The following DMGDH variants were observed in gnomAD, a reference collection of about 807,000 sequenced individuals.
DMGDH encodes dimethylglycine dehydrogenase.
DMGDH carries 76 observed loss-of-function variants against 95.2 expected under a neutral mutation model. The observed-to-expected ratio is 0.80, with a 90% CI of 0.66 to 0.97. The LOEUF (loss-of-function observed/expected upper bound fraction) is 0.97. DMGDH is among the 50% of genes least tolerant of loss of function. The pLI, the probability that DMGDH is intolerant of heterozygous loss-of-function variation, is 0.00. For synonymous variants in DMGDH, 345 were observed against 377.6 expected, an observed-to-expected ratio of 0.91 and a Z score of 1.00; for missense variants, 987 against 1,055.0, an observed-to-expected ratio of 0.94 and a Z score of 0.89.
chr5:79,051,755 T>C (rs1238961726), intron 4 of DMGDH, among the ~76,000 whole-genome samples: 3 of 152,206 alleles, frequency 2.0e-5, no homozygotes, highest in African/African-American at 7.2e-5. Flanking sequence ...TTCCAACTGA[T>C]ATATCAATTA....
chr5:79,006,878 C>A (rs1032844613), intron 14 of DMGDH, among the ~76,000 whole-genome samples: 3 of 148,672 alleles, frequency 2.0e-5, no homozygotes, highest in African/African-American at 7.4e-5. Flanking sequence ...TAGTTTAGAA[C>A]CTCTAGGATG....
At chr5:79,025,189 G>A (rs1005633493) in intron 13 of DMGDH, among the ~76,000 whole-genome samples, 15 of 152,214 alleles carry the variant, frequency 9.9e-5, no homozygotes, top group Admixed American at 7.8e-4. Flanking sequence ...GGAAATCGGA[G>A]GGACGGGAGA....
intron 14 of DMGDH, among the ~76,000 whole-genome samples, chr5:79,016,635 A>G (rs1044388040): frequency 1.3e-5 from 2 of 152,236 alleles, no homozygotes; most frequent in Admixed American, 1.3e-4. Flanking sequence ...GTAATACTTG[A>G]ATTGACCTGT....
chr5:79,041,566 T>C (rs139724743), intron 7 of DMGDH, among the ~76,000 whole-genome samples: 93 of 152,356 alleles, frequency 6.1e-4, no homozygotes, highest in African/African-American at 2.2e-3. Context: ...ATGTTATACA[T>C]TTGATATTTT....
rs374772103 is a variant in DMGDH, at chr5:79,024,333, A to T, written c.2191-3T>A. The T allele has an allele frequency of 1.7e-5, 27 of 1,613,022 alleles. No homozygotes were observed. Among genetic ancestry groups the T allele is most frequent in the Non-Finnish European group, 2.3e-5 (27 of 1,179,142 alleles). The stretch of plus-strand genomic sequence containing the variant: ...AAAGGATTTGTATCACAGTTCATCT[A>T]AAAAGGAAACACACATTTTAAATCT... On this transcript the variant is annotated splice_polypyrimidine_tract_variant and splice_region_variant and intron_variant, in intron 13 of 15. Coordinates refer to ENST00000255189, the MANE Select transcript of DMGDH (RefSeq NM_013391.3).
At chr5:79,031,567 G>A (rs1009848202) in intron 9 of DMGDH, among the ~76,000 whole-genome samples, 1 of 152,196 alleles carries the variant, frequency 6.6e-6, no homozygotes, top group African/African-American at 2.4e-5. Flanking sequence ...CACACCTGGG[G>A]TACATAAGGA....
At chr5:79,055,400 T>C (rs551726794) in intron 3 of DMGDH, among the ~76,000 whole-genome samples, 35 of 152,268 alleles carry the variant, frequency 2.3e-4, no homozygotes, top group Non-Finnish European at 4.6e-4. Flanking sequence ...TGAGTAAATA[T>C]GAGAAGGGAT....
In DMGDH at chr5:79,024,309, A is replaced by G. The variant is rs764539646; in HGVS notation, c.2212T>C (p.Leu738=). The part of the protein sequence containing the change: ...GLEMNCDTNP[L]EAGLEYFVKL... ...ACAAAATATTCCAGTCCAGCTTCCA[A>G]AGGATTTGTATCACAGTTCATCTAA... The change falls in exon 14 of 16, where the codon TTG becomes CTG. Residue 738 remains leucine (L), a synonymous_variant. Coordinates refer to ENST00000255189, the MANE Select transcript of DMGDH (RefSeq NM_013391.3). 2 of 1,613,656 alleles carry G rather than the reference A, an allele frequency of 1.2e-6. No homozygotes were observed. Among genetic ancestry groups the G allele is most frequent in the Non-Finnish European group, 1.7e-6 (2 of 1,179,742 alleles).
At chr5:79,055,237 T>C (rs563050470) in intron 3 of DMGDH, among the ~76,000 whole-genome samples, 1 of 152,342 alleles carries the variant, frequency 6.6e-6, no homozygotes, top group Non-Finnish European at 1.5e-5. Context: ...CTGACAAAGG[T>C]CATGTTCCTA....
intron 11 of DMGDH, 71 bp from the exon 12 acceptor site, chr5:79,028,721 T>G: frequency 6.7e-7 from 1 of 1,487,714 alleles, no homozygotes; most frequent in Non-Finnish European, 9.4e-7. Context: ...ATTATCTCTC[T>G]GAAGACATGC....
intron 11 of DMGDH, among the ~76,000 whole-genome samples, chr5:79,029,323 A>G (rs976690772): frequency 1.3e-5 from 2 of 152,256 alleles, no homozygotes; most frequent in Non-Finnish European, 2.9e-5. Context: ...TCAGAGTAAG[A>G]CATGTATTAA....
intron 5 of DMGDH, among the ~76,000 whole-genome samples, chr5:79,045,658 G>T (rs890153370): frequency 6.6e-6 from 1 of 151,508 alleles, no homozygotes; most frequent in Non-Finnish European, 1.5e-5. Flanking sequence ...GATGATTTGG[G>T]GGCAGGGAGT....
At chr5:79,063,088 C>CA (rs974833513) in intron 2 of DMGDH, among the ~76,000 whole-genome samples, 5 of 150,010 alleles carry the variant, frequency 3.3e-5, no homozygotes, top group South Asian at 4.2e-4. Context: ...GACTCCATTT[C>CA]AAAAAAAATA....
At chr5:79,035,046 G>A (rs1754304948) in intron 7 of DMGDH, among the ~76,000 whole-genome samples, 1 of 91,446 alleles carries the variant, frequency 1.1e-5, no homozygotes, top group Admixed American at 1.7e-4. Flanking sequence ...GACACAGCGA[G>A]ACTCCATCTC....
At chr5:79,008,980 C>A (rs1753595170) in intron 14 of DMGDH, among the ~76,000 whole-genome samples, 1 of 152,116 alleles carries the variant, frequency 6.6e-6, no homozygotes, top group Non-Finnish European at 1.5e-5. Flanking sequence ...CGAGATAAAC[C>A]TGCACCTTTA....
At chr5:79,051,589 C>G (rs1332759835) in intron 4 of DMGDH, 98 bp from the exon 5 acceptor site, 6 of 1,178,632 alleles carry the variant, frequency 5.1e-6, no homozygotes, top group Non-Finnish European at 7.3e-6. Context: ...AACTGGACTT[C>G]AAAAGTGTTT....
intron 7 of DMGDH, among the ~76,000 whole-genome samples, chr5:79,035,291 A>G (rs1195410777): frequency 1.3e-5 from 2 of 152,170 alleles, no homozygotes; most frequent in Non-Finnish European, 2.9e-5. Flanking sequence ...TTTGAGAGCT[A>G]TATTGTTGAT....
chr5:79,064,673 T>C (rs571774793), intron 1 of DMGDH, among the ~76,000 whole-genome samples: 61 of 152,280 alleles, frequency 4.0e-4, no homozygotes, highest in African/African-American at 1.3e-3. Context: ...TACAGCTATA[T>C]AGAAATATTT....
intron 11 of DMGDH, among the ~76,000 whole-genome samples, chr5:79,029,640 A>G (rs1156904539): frequency 6.6e-6 from 1 of 151,800 alleles, no homozygotes; most frequent in Non-Finnish European, 1.5e-5. Context: ...GGTAATATCT[A>G]AAAAAGGTTC....
Sources: gnomAD v4.1 joint callset for allele counts (sites outside exome capture counted in the v4.1 genomes callset) on GRCh38, gnomAD v4.1.1 for gene constraint, MANE v1.5 for transcripts, NCBI Gene and HGNC (gene_info 2026-07-23, HGNC 2026-07-21) for gene names.